PEX5L: variants seen among roughly 807,000 people sequenced by gnomAD.
The protein encoded by PEX5L is PEX5-related protein.
In PEX5L, 30 loss-of-function variants were observed where a neutral mutation model predicts 84.0. That is an observed-to-expected ratio of 0.36 (90% confidence interval 0.27 to 0.48). PEX5L has a LOEUF of 0.48. Among genes scored for constraint, PEX5L ranks in the 20% least tolerant of loss-of-function variants. PEX5L has a pLI of 0.99. For missense variants in PEX5L, 533 were observed against 754.6 expected (o/e 0.71, Z 3.44); for synonymous variants, 270 against 283.1 (o/e 0.95, Z 0.46).
intron 8 of PEX5L, among the ~76,000 whole-genome samples, chr3:179,852,431 G>A (rs1389409812): frequency 2.0e-5 from 3 of 152,158 alleles, no homozygotes; most frequent in Admixed American, 1.3e-4. Context: ...TATGAGAAGT[G>A]AGTCACTAAG....
chr3:179,997,295 T>TA (rs1436421511), intron 1 of PEX5L, among the ~76,000 whole-genome samples: 1 of 152,166 alleles, frequency 6.6e-6, no homozygotes, highest in East Asian at 1.9e-4. Flanking sequence ...GTCCTCCAGT[T>TA]AAAGTAGGGG....
chr3:179,950,014 G>C (rs894385910), intron 2 of PEX5L, among the ~76,000 whole-genome samples: 1 of 152,172 alleles, frequency 6.6e-6, no homozygotes, highest in Non-Finnish European at 1.5e-5. Context: ...AGCCTTTGCT[G>C]AGGATCTGCT....
intron 2 of PEX5L, among the ~76,000 whole-genome samples, chr3:179,928,557 A>T (rs75517806): frequency 0.025 from 3,844 of 152,242 alleles, 162 homozygotes; most frequent in African/African-American, 0.089. Context: ...CAGCATTTAA[A>T]CAGTTGTGTA....
intron 1 of PEX5L, among the ~76,000 whole-genome samples, chr3:179,990,475 T>C (rs1366484155): frequency 6.6e-6 from 1 of 152,178 alleles, no homozygotes; most frequent in African/African-American, 2.4e-5. Flanking sequence ...CAATGTTCAC[T>C]GTAGGCTCAA....
At chr3:179,915,080 A>T (rs2109289781) in intron 2 of PEX5L, among the ~76,000 whole-genome samples, 1 of 152,344 alleles carries the variant, frequency 6.6e-6, no homozygotes, top group Non-Finnish European at 1.5e-5. Flanking sequence ...AAGGTGTGGA[A>T]TAAGGAGACA....
At position 179,843,009 on chromosome 3, in the gene PEX5L, T is replaced by C. The variant is rs188798241; in HGVS notation, c.822+16053A>G. Among the ~76,000 whole-genome samples, 17 of 152,144 alleles carry C rather than the reference T, an allele frequency of 1.1e-4. No individual in the cohort carries two copies. The East Asian group carries it at 3.3e-3, about 29-fold the overall frequency. ...TACTAGATGTTCTCTTTTCCCATCA[T>C]GGCTTAAATTACTGGAGCAGAAATT... On this transcript the variant is annotated intron_variant, in intron 8 of 14. Transcript: ENST00000467460.
intron 8 of PEX5L, among the ~76,000 whole-genome samples, chr3:179,835,813 G>A (rs1424075761): frequency 1.3e-5 from 2 of 152,128 alleles, no homozygotes; most frequent in Non-Finnish European, 2.9e-5. Flanking sequence ...TTTAAATTAG[G>A]GATCACTGAA....
chr3:179,832,577 A>G (rs905370859), intron 8 of PEX5L, among the ~76,000 whole-genome samples: 1 of 102,076 alleles, frequency 9.8e-6, no homozygotes, highest in African/African-American at 3.9e-5. Flanking sequence ...CCTACCCACC[A>G]ACCTACCTAC....
intron 7 of PEX5L, among the ~76,000 whole-genome samples, chr3:179,867,025 C>CAAAAAAAAAAAA (rs61404630): frequency 5.6e-5 from 5 of 89,402 alleles, no homozygotes; most frequent in South Asian, 3.6e-4. Context: ...GACTCTGTCT[C>CAAAAAAAAAAAA]AAAAAAAAAA....
rs780240874 is a variant in PEX5L, at chr3:179,859,058, T to C, written c.822+4A>G. 6.2e-7 allele frequency: 1 copy of C among 1,604,138 alleles called. No individual in the cohort carries two copies. The highest frequency in any genetic ancestry group is 8.5e-7 in the Non-Finnish European group (1 of 1,170,948). ...CAGAAAAAACTAATTTGAAGAAAAG[T>C]TACCTCCACTGCTGCTTTTGCCCTT... is the stretch of plus-strand genomic sequence containing the variant. On this transcript the variant is annotated splice_donor_region_variant and intron_variant, in intron 8 of 14. Coordinates refer to ENST00000467460, the MANE Select transcript of PEX5L (RefSeq NM_016559.3).
intron 3 of PEX5L, among the ~76,000 whole-genome samples, chr3:179,888,586 C>T (rs1194516070): frequency 6.6e-6 from 1 of 151,014 alleles, no homozygotes; most frequent in Non-Finnish European, 1.5e-5. Flanking sequence ...AGTTATGTTT[C>T]TACGGTTAAG....
chr3:179,872,920 C>T (rs1750857674), intron 7 of PEX5L, among the ~76,000 whole-genome samples: 2 of 152,228 alleles, frequency 1.3e-5, no homozygotes, highest in Admixed American at 6.5e-5. Context: ...GAAAAAACTA[C>T]ATTTTCATGC....
At chr3:179,997,753 C>T (rs1352340845) in intron 1 of PEX5L, among the ~76,000 whole-genome samples, 1 of 152,222 alleles carries the variant, frequency 6.6e-6, no homozygotes, top group Non-Finnish European at 1.5e-5. Flanking sequence ...GATTTCATTG[C>T]TGGAGCAAAT....
At chr3:179,888,817 T>C (rs1756717912) in intron 3 of PEX5L, among the ~76,000 whole-genome samples, 1 of 152,106 alleles carries the variant, frequency 6.6e-6, no homozygotes. Context: ...CAGGCTGGAG[T>C]GCAGTGGCAT....
At position 179,797,606 on chromosome 3, in the gene PEX5L, ATATAT is replaced by A. The variant is rs1194750799; in HGVS notation, c.*4217_*4221del. 0.013 allele frequency: 1,060 copies of A among 80,166 alleles called. 6 individuals are homozygous for A. Among genetic ancestry groups the A allele is most frequent in the African/African-American group, 0.034 (681 of 19,932 alleles). The allele number at this position is 80,166 out of a possible 1,614,324, so 5.0% of individuals were successfully genotyped here. A position where few individuals can be genotyped will look rare whatever the true frequency, so the allele number is the denominator to read the frequency against. ...ACACTCTTTAAAAAAAAAAAAAAAA[ATATAT>A]ATATATATATATATATATATCTACT... On this transcript the variant is annotated 3_prime_UTR_variant, in exon 15 of 15. Transcript: ENST00000467460.
intron 1 of PEX5L, among the ~76,000 whole-genome samples, chr3:180,015,771 G>A (rs1789888160): frequency 6.6e-6 from 1 of 151,464 alleles, no homozygotes; most frequent in Non-Finnish European, 1.5e-5. Flanking sequence ...TAAGTCAGAA[G>A]AATGAAGGGC....
At chr3:179,858,399 T>G (rs1334288064) in intron 8 of PEX5L, among the ~76,000 whole-genome samples, 1 of 151,990 alleles carries the variant, frequency 6.6e-6, no homozygotes, top group African/African-American at 2.4e-5. Context: ...TTTATTTAGG[T>G]TTTTTTTCTT....
intron 1 of PEX5L, among the ~76,000 whole-genome samples, chr3:179,980,338 GATCTACACACAGTCATGAC>G (rs1786212872): frequency 6.7e-6 from 1 of 148,248 alleles, no homozygotes; most frequent in African/African-American, 2.5e-5. Context: ...ATTTTATATG[GATCTACACACAGTCATGAC>G]ATCTTAGAAT....
At chr3:179,889,998 A>G (rs1757113613) in intron 3 of PEX5L, among the ~76,000 whole-genome samples, 1 of 152,186 alleles carries the variant, frequency 6.6e-6, no homozygotes, top group South Asian at 2.1e-4. Context: ...GCTCATCTAA[A>G]AATATGATTA....
Sources: allele counts gnomAD v4.1 joint callset (sites outside exome capture counted in the v4.1 genomes callset), GRCh38; gene constraint gnomAD v4.1.1; transcripts MANE v1.5; gene names NCBI Gene and HGNC (gene_info 2026-07-23, HGNC 2026-07-21).